Variants in RGS7 observed in about 807,000 individuals in gnomAD.
RGS7 encodes regulator of G-protein signaling 7.
In RGS7, 27 loss-of-function variants were observed where a neutral mutation model predicts 81.1. The observed-to-expected ratio is 0.33, with a 90% CI of 0.25 to 0.46. RGS7 has a LOEUF of 0.46. Ranked by LOEUF, RGS7 falls within the 20% of genes least tolerant of loss-of-function variation. RGS7 has a pLI of 1.00. For missense variants in RGS7, 396 were observed against 607.4 expected, an observed-to-expected ratio of 0.65 and a Z score of 3.66; for synonymous variants, 208 against 207.7, an observed-to-expected ratio of 1.00 and a Z score of -0.01.
At chr1:241,116,479 G>A (rs1191937078) in intron 2 of RGS7, among the ~76,000 whole-genome samples, 3 of 152,074 alleles carry the variant, frequency 2.0e-5, no homozygotes, top group African/African-American at 4.8e-5. Flanking sequence ...CTGGCTTCCC[G>A]GCCTCCCTTA....
chr1:241,162,279 C>T (rs2069782909), intron 2 of RGS7, among the ~76,000 whole-genome samples: 1 of 147,678 alleles, frequency 6.8e-6, no homozygotes, highest in South Asian at 2.1e-4. Flanking sequence ...CACTAAGAGG[C>T]AAAATGGCGG....
intron 18 of RGS7, among the ~76,000 whole-genome samples, chr1:240,779,099 T>TGTGTGTGTG (rs1683500909): frequency 2.8e-5 from 4 of 144,194 alleles, no homozygotes; most frequent in African/African-American, 1.0e-4. Context: ...TTAGTGTTCT[T>TGTGTGTGTG]TGTGTGTGTG....
chr1:241,128,268 C>T (rs2066818653), intron 2 of RGS7, among the ~76,000 whole-genome samples: 1 of 141,454 alleles, frequency 7.1e-6, no homozygotes, highest in South Asian at 2.2e-4. Flanking sequence ...CAGAGCAAGA[C>T]TCCGTCTCAA....
chr1:241,237,689 G>A (rs2076052504), intron 2 of RGS7, among the ~76,000 whole-genome samples: 1 of 152,124 alleles, frequency 6.6e-6, no homozygotes, highest in African/African-American at 2.4e-5. Flanking sequence ...AAGAAGAAAG[G>A]GGCGTGGCCA....
chr1:241,293,955 G>C (rs2079239128), intron 2 of RGS7, among the ~76,000 whole-genome samples: 1 of 152,082 alleles, frequency 6.6e-6, no homozygotes, highest in African/African-American at 2.4e-5. Flanking sequence ...ATACCTAAAG[G>C]ATATAAATCA....
chr1:241,212,505 A>C (rs2074302038), intron 2 of RGS7, among the ~76,000 whole-genome samples: 1 of 152,208 alleles, frequency 6.6e-6, no homozygotes, highest in South Asian at 2.1e-4. Flanking sequence ...TGTGAATAAA[A>C]GCTGAATCTG....
intron 2 of RGS7, among the ~76,000 whole-genome samples, chr1:241,136,456 ATGT>A (rs1039991898): frequency 6.6e-6 from 1 of 151,052 alleles, no homozygotes; most frequent in East Asian, 2.0e-4. Flanking sequence ...AAGGGGGGGG[ATGT>A]TCATGGGGTA....
At chr1:240,874,436 C>T (rs1008740164) in intron 6 of RGS7, among the ~76,000 whole-genome samples, 32 of 152,136 alleles carry the variant, frequency 2.1e-4, no homozygotes, top group African/African-American at 7.5e-4. Flanking sequence ...GGAAGACTGA[C>T]ATTTTTATTA....
chr1:241,048,175 G>A (rs965937751), intron 3 of RGS7, among the ~76,000 whole-genome samples: 2 of 152,072 alleles, frequency 1.3e-5, no homozygotes, highest in African/African-American at 4.8e-5. Flanking sequence ...GTGTCCCTGT[G>A]TTGTCACCTT....
chr1:241,134,387 A>G (rs1347148257), intron 2 of RGS7, among the ~76,000 whole-genome samples: 3 of 152,138 alleles, frequency 2.0e-5, no homozygotes, highest in Non-Finnish European at 4.4e-5. Context: ...ATTAGCCTGA[A>G]CTCTTCCAAA....
chr1:240,809,121 A>G (rs1419042964), intron 14 of RGS7, among the ~76,000 whole-genome samples: 1 of 152,172 alleles, frequency 6.6e-6, no homozygotes, highest in Non-Finnish European at 1.5e-5. Flanking sequence ...AGTCACTCAA[A>G]GATAAAAACT....
At chr1:240,998,860 A>C (rs538170564) in intron 3 of RGS7, 5 of 476,100 alleles carry the variant, frequency 1.1e-5, no homozygotes, top group African/African-American at 9.9e-5. Context: ...GTGGCAGCTG[A>C]GGAAAGGTTC....
At chr1:240,850,320 A>C (rs1471035914) in intron 9 of RGS7, among the ~76,000 whole-genome samples, 1 of 152,132 alleles carries the variant, frequency 6.6e-6, no homozygotes, top group East Asian at 1.9e-4. Context: ...AATTCTAGTA[A>C]TATTTCAGAC....
chr1:240,809,208 T>G (rs939349977), intron 14 of RGS7, among the ~76,000 whole-genome samples: 1 of 152,122 alleles, frequency 6.6e-6, no homozygotes, highest in Non-Finnish European at 1.5e-5. Flanking sequence ...GGGAAATACA[T>G]CATAAAATTT....
Position 241,129,985 on chromosome 1 carries a change from G to C in RGS7, c.79-31223C>G, listed in dbSNP as rs530465659. Reference sequence around the variant, plus strand: ...AACTGAGTGTCTTCTGAGTATTTTAGAATTGCAAATTTTGATATTCTACCA... The same window carrying C: ...AACTGAGTGTCTTCTGAGTATTTTACAATTGCAAATTTTGATATTCTACCA... On this transcript the variant is annotated intron_variant, in intron 2 of 18. Transcript: ENST00000440928. Among the ~76,000 whole-genome samples, 42 of 152,218 alleles carry C rather than the reference G, an allele frequency of 2.8e-4. No homozygotes were observed. The South Asian group carries it at 8.7e-3, about 32-fold the overall frequency.
Position 241,070,588 on chromosome 1 carries a change from G to A in RGS7, c.175+28078C>T, listed in dbSNP as rs530743672. Among the ~76,000 whole-genome samples the A allele has an allele frequency of 1.4e-3, 209 of 152,306 alleles. 1 individual carries two copies. The highest frequency in any genetic ancestry group is 4.7e-3 in the African/African-American group (196 of 41,570). The stretch of plus-strand genomic sequence containing the variant: ...AAAGAGCTTCTTGAGGCCTTGATTA[G>A]AGCTGGGTGGAGCTAAGCCTGAAAC... On this transcript the variant is annotated intron_variant, in intron 3 of 18. Transcript: ENST00000440928.
At chr1:241,327,029 AGG>A (rs2081553875) in intron 2 of RGS7, among the ~76,000 whole-genome samples, 1 of 16,362 alleles carries the variant, frequency 6.1e-5, no homozygotes, top group Admixed American at 4.8e-4. Context: ...GAAGGAAGGA[AGG>A]AAGGAAGGGA....
chr1:241,239,111 G>A (rs2076142435), intron 2 of RGS7, among the ~76,000 whole-genome samples: 1 of 151,862 alleles, frequency 6.6e-6, no homozygotes, highest in Non-Finnish European at 1.5e-5. Context: ...TGGGACTACA[G>A]GTGTGTGCCA....
At position 241,304,353 on chromosome 1, in the gene RGS7, C is replaced by T. The variant is rs554999741; in HGVS notation, c.78+51346G>A. ...TGGCTACCTGGGAGAGCCATGGTCACGGCTAAAACCAGAGTATAACTCTGG... is the reference window on the plus strand; with the variant it reads ...TGGCTACCTGGGAGAGCCATGGTCATGGCTAAAACCAGAGTATAACTCTGG... On this transcript the variant is annotated intron_variant, in intron 2 of 18. Transcript: ENST00000440928. Among the ~76,000 whole-genome samples the T allele has an allele frequency of 2.6e-4, 39 of 152,202 alleles. No homozygotes were observed. The East Asian group carries it at 4.1e-3, about 16-fold the overall frequency.
Sources: gnomAD v4.1 joint callset for allele counts (sites outside exome capture counted in the v4.1 genomes callset) on GRCh38, gnomAD v4.1.1 for gene constraint, MANE v1.5 for transcripts, NCBI Gene and HGNC (gene_info 2026-07-23, HGNC 2026-07-21) for gene names.